The following FAAH2 variants were observed in gnomAD, a reference collection of about 807,000 sequenced individuals.
The protein encoded by FAAH2 is fatty acid amide hydrolase 2.
A neutral mutation model predicts 36.9 loss-of-function variants in FAAH2; 60 were observed. That is an observed-to-expected ratio of 1.63 (90% CI 1.32 to 2.02). The LOEUF (loss-of-function observed/expected upper bound fraction) is 2.02. Among genes scored for constraint, FAAH2 ranks in the 30% most tolerant of loss-of-function variants. The pLI, the probability that FAAH2 is intolerant of heterozygous loss-of-function variation, is 0.00. For missense variants in FAAH2, 689 were observed against 397.5 expected (o/e 1.73, Z -6.23); for synonymous variants, 214 against 143.8 (o/e 1.49, Z -3.49).
chrX:57,477,281 C>A (rs2057288841), intron 10 of FAAH2, among the ~76,000 whole-genome samples: 1 of 109,693 alleles, frequency 9.1e-6, no homozygotes, highest in Non-Finnish European at 1.9e-5. Flanking sequence ...GCTTAAAAGA[C>A]ACAATAATAT....
chrX:57,340,486 G>A (rs774805112), intron 4 of FAAH2, among the ~76,000 whole-genome samples: 1 of 111,973 alleles, frequency 8.9e-6, no homozygotes, highest in East Asian at 2.8e-4. Context: ...AAAGATACAT[G>A]CACACATATG....
intron 7 of FAAH2, chrX:57,392,859 C>T: frequency 1.3e-6 from 1 of 741,552 alleles, no homozygotes; most frequent in Non-Finnish European, 2.1e-6. Flanking sequence ...TTTGGCCATG[C>T]AGATGGGGAG....
intron 5 of FAAH2, among the ~76,000 whole-genome samples, chrX:57,344,789 C>G (rs972746583): frequency 4.5e-5 from 5 of 111,245 alleles, no homozygotes; most frequent in African/African-American, 1.6e-4. Context: ...AGGTTTTTAT[C>G]ATGAAGGAAT....
chrX:57,214,430 A>T, the FAAH2 span, among the ~76,000 whole-genome samples: 6 of 109,992 alleles, frequency 5.5e-5, no homozygotes, highest in Admixed American at 9.7e-5. Context: ...TGTTTTATTT[A>T]TTTTTTTTCT....
chrX:57,461,991 C>T (rs1462900208), intron 10 of FAAH2, among the ~76,000 whole-genome samples: 8 of 109,762 alleles, frequency 7.3e-5, no homozygotes, highest in Non-Finnish European at 1.1e-4. Context: ...CACAGAAATA[C>T]AAACTACCAT....
At chrX:57,300,356 A>G (rs1294568020) in intron 2 of FAAH2, among the ~76,000 whole-genome samples, 3 of 112,159 alleles carry the variant, frequency 2.7e-5, no homozygotes, top group Non-Finnish European at 5.6e-5. Flanking sequence ...AGCAATGCGG[A>G]AAGGATTCCC....
At chrX:57,393,484 G>C in intron 7 of FAAH2, 1 of 947,915 alleles carries the variant, frequency 1.1e-6, no homozygotes, top group Non-Finnish European at 1.5e-6. Context: ...GCTAGAGTGT[G>C]ATCCGGTCTG....
chrX:57,393,771 C>T lies in FAAH2; in HGVS notation c.996+12742C>T, dbSNP rs2055224293. 3 of 930,649 alleles carry T rather than the reference C, an allele frequency of 3.2e-6. No individual in the cohort carries two copies. The African/African-American group carries it at 5.8e-5, about 18-fold the overall frequency. 76.7% of individuals were successfully genotyped at this position (930,649 alleles called of 1,213,427 possible). A position where few individuals can be genotyped will look rare whatever the true frequency, so the allele number is the denominator to read the frequency against. ...CTGGCCACAGAGATATCAAAGTGGA[C>T]CGTCTGTGTGTGACTTTTCTTCGTT... On this transcript the variant is annotated intron_variant, in intron 7 of 10. Coordinates refer to ENST00000374900, the MANE Select transcript of FAAH2 (RefSeq NM_174912.4).
At chrX:57,361,897 G>A (rs999484273) in intron 5 of FAAH2, among the ~76,000 whole-genome samples, 1 of 111,042 alleles carries the variant, frequency 9.0e-6, no homozygotes, top group African/African-American at 3.3e-5. Context: ...ATGTTTGAAG[G>A]AAACTCTGGT....
In FAAH2 at chrX:57,312,755, C is replaced by T. The variant is rs2052730956; in HGVS notation, c.412+2026C>T. ...CCAACTAACTATACTGAACTTACAC[C>T]ACAGTTACAGAAATACCAATCCTCA... On this transcript the variant is annotated intron_variant, in intron 3 of 10. Coordinates refer to ENST00000374900, the MANE Select transcript of FAAH2 (RefSeq NM_174912.4). Among the ~76,000 whole-genome samples the T allele has an allele frequency of 8.1e-5, 9 of 110,773 alleles. No individual in the cohort carries two copies. The South Asian group carries it at 3.4e-3, about 41-fold the overall frequency.
chrX:57,134,961 C>CT, the FAAH2 span: 1 of 112,142 alleles, frequency 8.9e-6, no homozygotes, highest in African/African-American at 3.2e-5. Context: ...CATCTGGCAT[C>CT]TTTGACAGTT....
chrX:57,437,919 A>G (rs1454310391), intron 8 of FAAH2, among the ~76,000 whole-genome samples: 10 of 103,578 alleles, frequency 9.7e-5, no homozygotes, highest in African/African-American at 3.1e-4. Context: ...ACATACGTAC[A>G]TGTATACACA....
intron 10 of FAAH2, among the ~76,000 whole-genome samples, chrX:57,486,351 GTGGGGCCAGATGC>G (rs942503762): frequency 4.5e-5 from 5 of 111,315 alleles, no homozygotes; most frequent in African/African-American, 1.6e-4. Context: ...GTGGGGTTGG[GTGGGGCCAGATGC>G]TCTACAGTTG....
At chrX:57,193,363 G>A in the FAAH2 span, among the ~76,000 whole-genome samples, 2 of 111,904 alleles carry the variant, frequency 1.8e-5, no homozygotes, top group African/African-American at 6.5e-5. Flanking sequence ...CTGATAAGAT[G>A]TTATCAATGA....
chrX:57,420,586 G>A (rs1433433338), intron 7 of FAAH2, among the ~76,000 whole-genome samples: 1 of 110,298 alleles, frequency 9.1e-6, no homozygotes, highest in Admixed American at 9.7e-5. Context: ...CTGAGACTTT[G>A]CTGAAGTTGC....
the FAAH2 span, among the ~76,000 whole-genome samples, chrX:57,175,806 C>T: frequency 9.0e-6 from 1 of 111,349 alleles, no homozygotes; most frequent in African/African-American, 3.3e-5. Context: ...CTGAAAAATA[C>T]TTTATTTCTT....
intron 10 of FAAH2, among the ~76,000 whole-genome samples, chrX:57,476,580 C>T (rs1394254920): frequency 9.0e-6 from 1 of 110,961 alleles, no homozygotes; most frequent in East Asian, 2.8e-4. Context: ...CTGCTGAGTC[C>T]GTTTTGCCAG....
intron 2 of FAAH2, among the ~76,000 whole-genome samples, chrX:57,308,499 A>G (rs971239438): frequency 9.0e-6 from 1 of 110,896 alleles, no homozygotes; most frequent in Non-Finnish European, 1.9e-5. Flanking sequence ...TGCTTGTTTA[A>G]TTGTTGAAGT....
At chrX:57,223,739 A>G in the FAAH2 span, among the ~76,000 whole-genome samples, 1 of 111,763 alleles carries the variant, frequency 8.9e-6, no homozygotes, top group Non-Finnish European at 1.9e-5. Flanking sequence ...CATTCCCAAC[A>G]ACTTCAGAAG....
Sources: gnomAD v4.1 joint callset for allele counts (sites outside exome capture counted in the v4.1 genomes callset) on GRCh38, gnomAD v4.1.1 for gene constraint, MANE v1.5 for transcripts, NCBI Gene and HGNC (gene_info 2026-07-23, HGNC 2026-07-21) for gene names.